Variants in ADCY8 observed in about 807,000 individuals in gnomAD.
The protein encoded by ADCY8 is adenylate cyclase 8.
Under a neutral mutation model 119.7 loss-of-function variants are expected in ADCY8, and 51 were observed. The ratio of observed to expected loss-of-function variants is 0.43; its 90% CI spans 0.34 to 0.54. The LOEUF (loss-of-function observed/expected upper bound fraction) is 0.54. ADCY8 is among the 20% of genes least tolerant of loss of function. ADCY8 has a pLI of 0.03. For missense variants in ADCY8, 1,383 were observed against 1,598.8 expected, an observed-to-expected ratio of 0.87 and a Z score of 2.30; for synonymous variants, 665 against 651.0, an observed-to-expected ratio of 1.02 and a Z score of -0.33.
intron 8 of ADCY8, among the ~76,000 whole-genome samples, chr8:130,873,102 G>T (rs1187972661): frequency 6.6e-6 from 1 of 152,190 alleles, no homozygotes; most frequent in Non-Finnish European, 1.5e-5. Flanking sequence ...TTACAGAGGT[G>T]ATGGACAGAG....
intron 1 of ADCY8, among the ~76,000 whole-genome samples, chr8:131,022,995 G>A (rs1305284881): frequency 6.6e-6 from 1 of 152,138 alleles, no homozygotes; most frequent in African/African-American, 2.4e-5. Context: ...CATGTTTGGA[G>A]CCAAATTAAC....
At chr8:130,947,131 A>C (rs1821128167) in intron 3 of ADCY8, among the ~76,000 whole-genome samples, 1 of 152,150 alleles carries the variant, frequency 6.6e-6, no homozygotes, top group African/African-American at 2.4e-5. Flanking sequence ...TAGCCAAATA[A>C]ATTGTTTATT....
In ADCY8 at chr8:130,786,016, G is replaced by A. The variant is rs113555150; in HGVS notation, c.3061-541C>T. Reference sequence around the variant, plus strand: ...TGGCTTACTCCCTCACCTCCTACAGGTCTTTCCTCAAATCTCATCTTTGCA... The same window carrying A: ...TGGCTTACTCCCTCACCTCCTACAGATCTTTCCTCAAATCTCATCTTTGCA... On this transcript the variant is annotated intron_variant, in intron 15 of 17. Transcript: ENST00000286355. 3.3e-3 allele frequency among the ~76,000 whole-genome samples: 501 copies of A among 152,204 alleles called. 1 individual carries two copies. The highest frequency in any genetic ancestry group is 0.011 in the African/African-American group (466 of 41,526).
At chr8:130,925,721 T>C (rs1223623765) in intron 5 of ADCY8, among the ~76,000 whole-genome samples, 3 of 152,320 alleles carry the variant, frequency 2.0e-5, no homozygotes, top group East Asian at 3.9e-4. Flanking sequence ...AATTGAAAAT[T>C]AGTTTAATGT....
At chr8:131,019,843 GTCTCTCTCTCTC>G (rs71306306) in intron 1 of ADCY8, among the ~76,000 whole-genome samples, 8 of 86,884 alleles carry the variant, frequency 9.2e-5, no homozygotes, top group South Asian at 9.9e-4. Context: ...CTCTCTGTCT[GTCTCTCTCTCTC>G]TCTCTCTCTC....
intron 14 of ADCY8, among the ~76,000 whole-genome samples, 161 bp downstream of exon 14, chr8:130,813,908 G>T (rs1563675508): frequency 6.6e-6 from 1 of 152,100 alleles, no homozygotes; most frequent in Non-Finnish European, 1.5e-5. Context: ...GGTGCCTGAG[G>T]TTGGGAGGCC....
chr8:130,837,903 G>C (rs576726842), intron 11 of ADCY8, among the ~76,000 whole-genome samples: 1 of 152,312 alleles, frequency 6.6e-6, no homozygotes, highest in South Asian at 2.1e-4. Context: ...TGGCTATAAA[G>C]TGGCATCTAG....
chr8:130,965,902 G>A (rs1821748256), intron 2 of ADCY8, among the ~76,000 whole-genome samples: 1 of 152,116 alleles, frequency 6.6e-6, no homozygotes, highest in African/African-American at 2.4e-5. Flanking sequence ...TGCAATTTCT[G>A]TTTGAATGTC....
At chr8:130,889,001 C>T (rs191012867) in intron 7 of ADCY8, among the ~76,000 whole-genome samples, 12 of 152,080 alleles carry the variant, frequency 7.9e-5, no homozygotes, top group South Asian at 4.1e-4. Flanking sequence ...AGGGATCATA[C>T]GCTCAAATCT....
intron 1 of ADCY8, among the ~76,000 whole-genome samples, chr8:131,025,209 C>G (rs1279324689): frequency 2.0e-5 from 3 of 152,130 alleles, no homozygotes; most frequent in African/African-American, 7.2e-5. Context: ...TGATAACTAT[C>G]ATGATAAACA....
At chr8:131,013,502 G>A (rs1300891045) in intron 1 of ADCY8, among the ~76,000 whole-genome samples, 1 of 152,094 alleles carries the variant, frequency 6.6e-6, no homozygotes, top group Non-Finnish European at 1.5e-5. Context: ...TTCTACCAGT[G>A]TATCTCTGCC....
chr8:130,979,030 C>T lies in ADCY8; in HGVS notation c.1110+11363G>A, dbSNP rs139490618. ...AACTTAGGTCTAATGCTGGTTGGGG[C>T]GGAAGACAGTCTACCATGGAATAAG... On this transcript the variant is annotated intron_variant, in intron 2 of 17. Coordinates refer to ENST00000286355, the MANE Select transcript of ADCY8 (RefSeq NM_001115.3). Among the ~76,000 whole-genome samples the T allele has an allele frequency of 9.2e-5, 14 of 152,090 alleles. No homozygotes were observed. In the East Asian group the frequency reaches 2.5e-3, roughly 27 times the overall value.
At chr8:130,853,471 TG>T in intron 9 of ADCY8, among the ~76,000 whole-genome samples, 1 of 152,218 alleles carries the variant, frequency 6.6e-6, no homozygotes, top group Non-Finnish European at 1.5e-5. Flanking sequence ...AGATTCAGGA[TG>T]GAGGCCATGT....
intron 4 of ADCY8, among the ~76,000 whole-genome samples, chr8:130,939,112 A>G (rs971554222): frequency 6.6e-6 from 1 of 151,408 alleles, no homozygotes; most frequent in African/African-American, 2.4e-5. Flanking sequence ...TTTTGTCAAG[A>G]AAGTATGAAC....
At chr8:131,012,676 T>A (rs548944457) in intron 1 of ADCY8, among the ~76,000 whole-genome samples, 12 of 152,252 alleles carry the variant, frequency 7.9e-5, no homozygotes, top group African/African-American at 2.9e-4. Flanking sequence ...GGTCTTCTCA[T>A]CCAAGGTCAT....
At chr8:130,961,007 CT>C (rs560077616) in intron 2 of ADCY8, among the ~76,000 whole-genome samples, 252 of 152,266 alleles carry the variant, frequency 1.7e-3, no homozygotes, top group Non-Finnish European at 2.0e-3. Context: ...ATAATACCTA[CT>C]GACCACTGTT....
chr8:130,902,846 T>A (rs1819647569), intron 7 of ADCY8, among the ~76,000 whole-genome samples: 1 of 152,008 alleles, frequency 6.6e-6, no homozygotes, highest in Non-Finnish European at 1.5e-5. Flanking sequence ...CAGATAACTG[T>A]CAGATAAGTG....
Position 130,846,888 on chromosome 8 carries a change from T to TTCCCCTTCCTTCC in ADCY8, c.2502+535_2502+536insGGAAGGAAGGGGA, listed in dbSNP as rs56726941. Among the ~76,000 whole-genome samples, 5 of 19,834 alleles carry TTCCCCTTCCTTCC rather than the reference T, an allele frequency of 2.5e-4. 1 individual carries two copies. The allele number at this position is 19,834 out of a possible 152,430, so 13.0% of individuals were successfully genotyped here. ...CTCCCTTCCCTTCCCTTCCCTTCCCTTTCCTTCCTTCCTTCCTTCCTTCCT... is the reference window on the plus strand; with the variant it reads ...CTCCCTTCCCTTCCCTTCCCTTCCCTTCCCCTTCCTTCCTTCCTTCCTTCCTTCCTTCCTTCCT... On this transcript the variant is annotated intron_variant, in intron 11 of 17. Coordinates refer to ENST00000286355, the MANE Select transcript of ADCY8 (RefSeq NM_001115.3).
At chr8:130,983,151 A>T (rs113445021) in intron 2 of ADCY8, among the ~76,000 whole-genome samples, 1,832 of 152,334 alleles carry the variant, frequency 0.012, 46 homozygotes, top group African/African-American at 0.042. Context: ...TAAGGTACTC[A>T]ACAATGGATG....
Sources: allele counts gnomAD v4.1 joint callset (sites outside exome capture counted in the v4.1 genomes callset), GRCh38; gene constraint gnomAD v4.1.1; transcripts MANE v1.5; gene names NCBI Gene and HGNC (gene_info 2026-07-23, HGNC 2026-07-21).